CDON: variants seen among roughly 807,000 people sequenced by gnomAD.
CDON encodes the protein cell adhesion associated, oncogene regulated.
CDON carries 73 observed loss-of-function variants against 120.9 expected under a neutral mutation model. That is an observed-to-expected ratio of 0.60 (90% CI 0.50 to 0.73). The LOEUF (loss-of-function observed/expected upper bound fraction) is 0.73. Among genes scored for constraint, CDON ranks in the 30% least tolerant of loss-of-function variants. The probability of loss-of-function intolerance (pLI) is 0.00; values close to 1 mark genes in which losing one functional copy is unlikely to be tolerated. For synonymous variants in CDON, 566 were observed against 573.5 expected (o/e 0.99, Z 0.19); for missense variants, 1,470 against 1,587.3 (o/e 0.93, Z 1.26).
At chr11:126,013,488 G>A (rs1438086484) in intron 7 of CDON, among the ~76,000 whole-genome samples, 4 of 152,156 alleles carry the variant, frequency 2.6e-5, no homozygotes, top group Admixed American at 6.5e-5. Flanking sequence ...TTTCATAGGT[G>A]TAGGACTATT....
Position 126,017,376 on chromosome 11 carries a change from C to G in CDON, c.641-1G>C. 6.2e-7 allele frequency: 1 copy of G among 1,613,958 alleles called. No individual in the cohort carries two copies. Among genetic ancestry groups the G allele is most frequent in the Non-Finnish European group, 8.5e-7 (1 of 1,179,854 alleles). On this transcript the variant is annotated splice_acceptor_variant, in intron 5 of 19. Coordinates refer to ENST00000531738, the MANE Select transcript of CDON (RefSeq NM_001378964.1). LOFTEE classifies it high-confidence loss of function. ...ATGTGAACATCATCTGAAGAAGGAC[C>G]TGGAAAAGGAAAGGAGATGAGAGAT... is the stretch of plus-strand genomic sequence containing the variant.
At chr11:126,027,016 C>G (rs1219514504) in intron 1 of CDON, among the ~76,000 whole-genome samples, 1 of 152,216 alleles carries the variant, frequency 6.6e-6, no homozygotes, top group Non-Finnish European at 1.5e-5. Flanking sequence ...CAGCTCATTA[C>G]AGCTACCTAA....
At chr11:126,019,092 T>C (rs1947553883) in intron 4 of CDON, among the ~76,000 whole-genome samples, 1 of 152,204 alleles carries the variant, frequency 6.6e-6, no homozygotes, top group Admixed American at 6.5e-5. Flanking sequence ...ATGGTGTTCC[T>C]GCACTGTCTA....
chr11:125,996,419 G>A (rs149097735), intron 12 of CDON, among the ~76,000 whole-genome samples: 273 of 152,092 alleles, frequency 1.8e-3, no homozygotes, highest in African/African-American at 2.4e-3. Context: ...TTTATGGCAC[G>A]ATCCTGCGGT....
chr11:125,987,863 T>C (rs1255148323), intron 15 of CDON, among the ~76,000 whole-genome samples: 2 of 152,230 alleles, frequency 1.3e-5, no homozygotes, highest in East Asian at 3.8e-4. Context: ...GATATATGTT[T>C]AAATATGGGC....
intron 1 of CDON, among the ~76,000 whole-genome samples, chr11:126,044,502 G>A (rs116782948): frequency 1.3e-3 from 201 of 152,192 alleles, no homozygotes; most frequent in African/African-American, 4.6e-3. Context: ...GTCCATCAAC[G>A]GATGAATGGA....
chr11:126,018,197 G>T, intron 5 of CDON, 133 bp downstream of exon 5: 1 of 934,384 alleles, frequency 1.1e-6, no homozygotes, highest in Non-Finnish European at 1.7e-6. Context: ...ACCACACCTA[G>T]CCTGTATTTA....
chr11:125,963,421 A>G (rs943040768), intron 18 of CDON, among the ~76,000 whole-genome samples: 2 of 152,208 alleles, frequency 1.3e-5, no homozygotes, highest in African/African-American at 4.8e-5. Context: ...CTGGAGCTAG[A>G]TAACGTTAGG....
intron 14 of CDON, 23 bp from the exon 15 acceptor site, chr11:125,989,782 T>TA (rs769823224): frequency 1.2e-6 from 2 of 1,605,846 alleles, no homozygotes; most frequent in African/African-American, 2.7e-5. Flanking sequence ...ATAAAAGGCT[T>TA]TACACATCAT....
In CDON at chr11:125,973,018, C is replaced by CTTTTTTTTTT. The variant is rs35828939; in HGVS notation, c.3356+5276_3356+5285dup. 2.4e-4 allele frequency among the ~76,000 whole-genome samples: 21 copies of CTTTTTTTTTT among 87,034 alleles called. 2 individuals carry two copies. The highest frequency in any genetic ancestry group is 6.9e-4 in the African/African-American group (17 of 24,598). The allele number at this position is 87,034 out of a possible 152,430, so 57.1% of individuals were successfully genotyped here. A position where few individuals can be genotyped will look rare whatever the true frequency, so the allele number is the denominator to read the frequency against. On this transcript the variant is annotated intron_variant, in intron 18 of 19. Coordinates refer to ENST00000531738, the MANE Select transcript of CDON (RefSeq NM_001378964.1). Reference sequence around the variant, plus strand: ...TGGCCTCTTCAACCAATTACTTGGTCTTTTTTTTTTTTTTTTTTTTTTTTA... The same window carrying CTTTTTTTTTT: ...TGGCCTCTTCAACCAATTACTTGGTCTTTTTTTTTTTTTTTTTTTTTTTTTTTTTTTTTTA...
At chr11:125,967,747 C>T (rs189820503) in intron 18 of CDON, among the ~76,000 whole-genome samples, 1 of 152,286 alleles carries the variant, frequency 6.6e-6, no homozygotes, top group African/African-American at 2.4e-5. Flanking sequence ...TGTGATCCTC[C>T]CACCTTAGCC....
chr11:126,059,300 C>G (rs1010470103), intron 1 of CDON, among the ~76,000 whole-genome samples: 2 of 152,224 alleles, frequency 1.3e-5, no homozygotes, highest in African/African-American at 4.8e-5. Context: ...TGTACTTACA[C>G]TGGAGTTCAC....
intron 1 of CDON, among the ~76,000 whole-genome samples, chr11:126,057,597 T>C (rs1262371483): frequency 5.3e-5 from 8 of 152,240 alleles, no homozygotes; most frequent in Admixed American, 3.9e-4. Context: ...GGAAATGTTC[T>C]ATATCTCCAT....
At position 126,003,928 on chromosome 11, in the gene CDON, G is replaced by T; in HGVS notation, c.2000C>A (p.Ala667Asp). 6.2e-7 allele frequency: 1 copy of T among 1,614,122 alleles called. No homozygotes were observed. Among genetic ancestry groups the T allele is most frequent in the Non-Finnish European group, 8.5e-7 (1 of 1,180,002 alleles). The change falls in exon 10 of 20, where the codon GCC becomes GAC. Residue 667 changes from alanine to aspartate, a missense_variant. Coordinates refer to ENST00000531738, the MANE Select transcript of CDON (RefSeq NM_001378964.1). Reference protein sequence around the residue: ...ARSAAGEGQPAMLTFRTSKEK... With the variant: ...ARSAAGEGQPDMLTFRTSKEK... ...TTTGCTGGTTCGGAAGGTAAGCATGGCAGGTTGGCCTTCACCTGCTGCGCT... is the reference window on the plus strand; with the variant it reads ...TTTGCTGGTTCGGAAGGTAAGCATGTCAGGTTGGCCTTCACCTGCTGCGCT...
Position 125,977,522 on chromosome 11 carries a change from C to A in CDON, c.3356+782G>T, listed in dbSNP as rs1485116628. ...TTTTATGTACTAACTATGACATAAT[C>A]TTTTTGGTTGTAGAGTTTTAGGACT... On this transcript the variant is annotated intron_variant, in intron 18 of 19. Transcript: ENST00000531738. Among the ~76,000 whole-genome samples, 3 of 152,160 alleles carry A rather than the reference C, an allele frequency of 2.0e-5. No homozygotes were observed. In the East Asian group the frequency reaches 5.8e-4, roughly 29 times the overall value.
chr11:126,023,111 A>G (rs951838330), intron 2 of CDON, among the ~76,000 whole-genome samples: 2 of 151,816 alleles, frequency 1.3e-5, no homozygotes, highest in African/African-American at 4.9e-5. Flanking sequence ...TTAGTGACAT[A>G]TCCCCTTATT....
At position 126,034,420 on chromosome 11, in the gene CDON, G is replaced by A. The variant is rs1034540654; in HGVS notation, c.-61-10883C>T. Among the ~76,000 whole-genome samples, 9 of 152,096 alleles carry A rather than the reference G, an allele frequency of 5.9e-5. No homozygotes were observed. The highest frequency in any genetic ancestry group is 1.0e-4 in the Non-Finnish European group (7 of 68,032). ...AGGTCACTGAGATCAAGGGTCACAC[G>A]CAGAAAAAGGCAACAGTGAGGGGCT... On this transcript the variant is annotated intron_variant, in intron 1 of 19. Coordinates refer to ENST00000531738, the MANE Select transcript of CDON (RefSeq NM_001378964.1). The surrounding 1 kb of genome is among the most constrained non-coding windows in gnomAD (Gnocchi z 4.5).
chr11:126,030,521 G>A (rs1196680782), intron 1 of CDON, among the ~76,000 whole-genome samples: 1 of 152,072 alleles, frequency 6.6e-6, no homozygotes, highest in Non-Finnish European at 1.5e-5. Flanking sequence ...CTTCAAAATA[G>A]GAAATTATTT....
intron 1 of CDON, among the ~76,000 whole-genome samples, chr11:126,041,791 T>C (rs186814276): frequency 6.6e-6 from 1 of 152,360 alleles, no homozygotes; most frequent in African/African-American, 2.4e-5. Flanking sequence ...TTTTAAACAG[T>C]CTGCCACAAT....
Sources: allele counts gnomAD v4.1 joint callset (sites outside exome capture counted in the v4.1 genomes callset), GRCh38; gene constraint gnomAD v4.1.1; non-coding constraint Gnocchi (gnomAD v3.1); transcripts MANE v1.5; gene names NCBI Gene and HGNC (gene_info 2026-07-23, HGNC 2026-07-21).